ARHGEF4: variants seen among roughly 807,000 people sequenced by gnomAD.
ARHGEF4 encodes the protein Rho guanine nucleotide exchange factor 4, also known as APC-stimulated guanine nucleotide exchange factor 1.
A neutral mutation model predicts 162.0 loss-of-function variants in ARHGEF4; 119 were observed. That is an observed-to-expected ratio of 0.73 (90% CI 0.63 to 0.86). The LOEUF (loss-of-function observed/expected upper bound fraction) is 0.86, where lower values mean the gene tolerates loss of function less well. ARHGEF4 is among the 40% of genes least tolerant of loss of function. The probability of loss-of-function intolerance (pLI) is 0.00; values close to 1 mark genes in which losing one functional copy is unlikely to be tolerated. For missense variants in ARHGEF4, 2,488 were observed against 2,456.0 expected, an observed-to-expected ratio of 1.01 and a Z score of -0.28; for synonymous variants, 1,014 against 979.9, an observed-to-expected ratio of 1.03 and a Z score of -0.65.
chr2:130,907,251 AGACTGG>A (rs1559031321), intron 1 of ARHGEF4, among the ~76,000 whole-genome samples: 8 of 1,686 alleles, frequency 4.7e-3, no homozygotes, highest in South Asian at 0.17. Context: ...CTCGCTCTGG[AGACTGG>A]AGGCTGGAGT....
intron 1 of ARHGEF4, among the ~76,000 whole-genome samples, chr2:130,885,500 A>G (rs1467589749): frequency 1.3e-5 from 2 of 150,248 alleles, no homozygotes; most frequent in Non-Finnish European, 3.0e-5. Flanking sequence ...TTTCCCACAC[A>G]TGCTTTTTGT....
At chr2:130,946,377 G>A in intron 3 of ARHGEF4, 132 bp from the exon 4 acceptor site, 2 of 1,111,218 alleles carry the variant, frequency 1.8e-6, no homozygotes, top group South Asian at 1.6e-5. Context: ...ATCCCCTGGA[G>A]CTGTGCATAT....
intron 1 of ARHGEF4, among the ~76,000 whole-genome samples, chr2:130,851,667 A>G (rs1321037891): frequency 6.6e-6 from 1 of 152,188 alleles, no homozygotes; most frequent in Non-Finnish European, 1.5e-5. Context: ...AAGAAGGGTA[A>G]TGACATGGCT....
intron 1 of ARHGEF4, among the ~76,000 whole-genome samples, chr2:130,853,722 G>A (rs1463813054): frequency 6.6e-6 from 1 of 152,204 alleles, no homozygotes; most frequent in Non-Finnish European, 1.5e-5. Flanking sequence ...AGTCAGCACA[G>A]CACCAGGACA....
chr2:130,976,979 T>C (rs753440798), intron 4 of ARHGEF4, among the ~76,000 whole-genome samples: 93 of 151,168 alleles, frequency 6.2e-4, no homozygotes, highest in Non-Finnish European at 1.1e-3. Flanking sequence ...CATGGTGTGT[T>C]TGTAGTGTAT....
chr2:130,964,236 C>T (rs1684833252), intron 4 of ARHGEF4: 1 of 985,584 alleles, frequency 1.0e-6, no homozygotes, highest in African/African-American at 1.7e-5. Context: ...AGAGCCTGCG[C>T]TCGGCCACCG....
At position 130,928,746 on chromosome 2, in the gene ARHGEF4, C is replaced by G. The variant is rs185317089; in HGVS notation, c.3553-2206C>G. Among the ~76,000 whole-genome samples the G allele has an allele frequency of 1.3e-4, 20 of 152,252 alleles. No individual in the cohort carries two copies. In the East Asian group the frequency reaches 3.3e-3, roughly 25 times the overall value. On this transcript the variant is annotated intron_variant, in intron 2 of 13. Transcript: ENST00000409359. ...AGATTTTCTTGAACTTTCTCATCTA[C>G]CATCGTCTCATCATTTCTTAATGCT...
At chr2:130,870,919 C>T (rs756994448) in intron 1 of ARHGEF4, among the ~76,000 whole-genome samples, 2 of 152,106 alleles carry the variant, frequency 1.3e-5, no homozygotes, top group Admixed American at 6.5e-5. Flanking sequence ...CCTCAGCTCT[C>T]CTAGATCTAA....
intron 4 of ARHGEF4, among the ~76,000 whole-genome samples, chr2:130,982,333 A>C (rs1178233583): frequency 2.0e-5 from 3 of 152,102 alleles, no homozygotes; most frequent in Non-Finnish European, 2.9e-5. Context: ...CAGGACTGAG[A>C]GCTTTAACTA....
intron 2 of ARHGEF4, among the ~76,000 whole-genome samples, chr2:130,926,804 T>C (rs998401825): frequency 7.8e-5 from 11 of 140,784 alleles, no homozygotes; most frequent in South Asian, 2.4e-4. Flanking sequence ...GAGGGACTTC[T>C]GGCTGATTTT....
Position 131,044,522 on chromosome 2 carries a change from TGCA to T in ARHGEF4, c.5384_5386del (p.Gln1795del), listed in dbSNP as rs775063084. On this transcript the variant is annotated inframe_deletion, in exon 12 of 14. Coordinates refer to ENST00000409359, the MANE Select transcript of ARHGEF4 (RefSeq NM_001367493.1). ...GCCTTTGCCAGGGAGAGGGAGCAGG[TGCA>T]GCTGGACCAGGAGACAGGTTCGAGA... The T allele has an allele frequency of 6.4e-7, 1 of 1,550,898 alleles. No homozygotes were observed. Among genetic ancestry groups the T allele is most frequent in the South Asian group, 1.2e-5 (1 of 84,076 alleles).
At chr2:130,893,263 T>C (rs1004054507) in intron 1 of ARHGEF4, among the ~76,000 whole-genome samples, 22 of 152,218 alleles carry the variant, frequency 1.4e-4, no homozygotes, top group Non-Finnish European at 2.9e-4. Flanking sequence ...CTCTCCTGCC[T>C]GCCCTGGCTC....
At chr2:131,011,874 GC>G in intron 4 of ARHGEF4, 1 of 705,036 alleles carries the variant, frequency 1.4e-6, no homozygotes, top group Middle Eastern at 2.3e-4. Context: ...AAGTGTGGGG[GC>G]GGCGGAGGGG....
In ARHGEF4 at chr2:130,941,287, A is replaced by G. The variant is rs1414629358; in HGVS notation, c.3859-5222A>G. Among the ~76,000 whole-genome samples the G allele has an allele frequency of 2.0e-5, 3 of 151,046 alleles. 1 individual carries two copies. The highest frequency in any genetic ancestry group is 7.3e-5 in the African/African-American group (3 of 40,904). On this transcript the variant is annotated intron_variant, in intron 3 of 13. Transcript: ENST00000409359. ...AGTGGCGTGATCTCAGCCCACTTCA[A>G]CCTCCACCTCCTGGGTTCAAGCAAT...
chr2:130,922,984 G>T (rs1681980863), intron 2 of ARHGEF4, among the ~76,000 whole-genome samples: 1 of 151,682 alleles, frequency 6.6e-6, no homozygotes, highest in African/African-American at 2.4e-5. Flanking sequence ...AGGCTGGAGT[G>T]CAGTGGCACA....
At chr2:131,037,835 A>G (rs150302752) in intron 5 of ARHGEF4, among the ~76,000 whole-genome samples, 1 of 151,040 alleles carries the variant, frequency 6.6e-6, no homozygotes, top group Non-Finnish European at 1.5e-5. Flanking sequence ...TCGGCTAGGT[A>G]TAATGTGGTT....
intron 4 of ARHGEF4, among the ~76,000 whole-genome samples, chr2:131,017,812 G>C (rs1688862141): frequency 6.6e-6 from 1 of 152,206 alleles, no homozygotes; most frequent in African/African-American, 2.4e-5. Flanking sequence ...TATGGAGAGA[G>C]ATTCTGTGTT....
chr2:130,876,455 G>T (rs272143), intron 1 of ARHGEF4, among the ~76,000 whole-genome samples: 1 of 151,958 alleles, frequency 6.6e-6, no homozygotes, highest in African/African-American at 2.4e-5. Flanking sequence ...GCAGTGGCGC[G>T]ATCTCGGCTC....
intron 5 of ARHGEF4, among the ~76,000 whole-genome samples, chr2:131,029,227 C>T (rs913396580): frequency 6.6e-6 from 1 of 151,962 alleles, no homozygotes; most frequent in Non-Finnish European, 1.5e-5. Context: ...GGCATGGTGG[C>T]GGGCACCTGT....
Sources: gnomAD v4.1 joint callset for allele counts (sites outside exome capture counted in the v4.1 genomes callset) on GRCh38, gnomAD v4.1.1 for gene constraint, MANE v1.5 for transcripts, NCBI Gene and HGNC (gene_info 2026-07-23, HGNC 2026-07-21) for gene names.